The following NUBPL variants were observed in gnomAD, a reference collection of about 807,000 sequenced individuals.
NUBPL encodes NUBP iron-sulfur cluster assembly factor, mitochondrial, also known as iron-sulfur cluster transfer protein NUBPL.
A neutral mutation model predicts 45.7 loss-of-function variants in NUBPL; 31 were observed. The ratio of observed to expected loss-of-function variants is 0.68; its 90% CI spans 0.51 to 0.92. The LOEUF is 0.92. Among genes scored for constraint, NUBPL ranks in the 40% least tolerant of loss-of-function variants. NUBPL has a pLI of 0.00. For synonymous variants in NUBPL, 144 were observed against 140.9 expected (o/e 1.02, Z -0.15); for missense variants, 401 against 398.7 (o/e 1.01, Z -0.05).
At chr14:31,623,887 A>G (rs1466724124) in intron 4 of NUBPL, among the ~76,000 whole-genome samples, 6 of 152,182 alleles carry the variant, frequency 3.9e-5, no homozygotes, top group Non-Finnish European at 8.8e-5. Flanking sequence ...AAGGTAATTG[A>G]GAGTCCTGTC....
At chr14:31,596,373 C>T (rs1335363943) in intron 3 of NUBPL, among the ~76,000 whole-genome samples, 1 of 152,108 alleles carries the variant, frequency 6.6e-6, no homozygotes, top group East Asian at 1.9e-4. Context: ...GACTGGCCTG[C>T]GTGCTCTTGG....
At chr14:31,668,759 CA>C (rs2036499519) in intron 4 of NUBPL, among the ~76,000 whole-genome samples, 1 of 152,186 alleles carries the variant, frequency 6.6e-6, no homozygotes, top group African/African-American at 2.4e-5. Context: ...AGCCGGATGG[CA>C]CAGTCCCTCA....
intron 6 of NUBPL, among the ~76,000 whole-genome samples, chr14:31,777,535 A>G (rs759322821): frequency 6.6e-6 from 1 of 152,328 alleles, no homozygotes; most frequent in South Asian, 2.1e-4. Context: ...GGCTAGAACA[A>G]TTTTAAAGAG....
chr14:31,683,587 G>A (rs542840726), intron 6 of NUBPL, among the ~76,000 whole-genome samples: 25 of 152,028 alleles, frequency 1.6e-4, no homozygotes, highest in African/African-American at 5.5e-4. Flanking sequence ...TCCTGACCTC[G>A]TGATCTGCCC....
At chr14:31,844,510 G>A (rs913362380) in intron 8 of NUBPL, 2 of 152,184 alleles carry the variant, frequency 1.3e-5, no homozygotes, top group Admixed American at 6.5e-5. Context: ...GTGATAGTGT[G>A]CATCAGCAAA....
At chr14:31,579,802 G>A (rs1197407020) in intron 3 of NUBPL, among the ~76,000 whole-genome samples, 1 of 152,238 alleles carries the variant, frequency 6.6e-6, no homozygotes, top group East Asian at 1.9e-4. Flanking sequence ...GGGGCACAGA[G>A]GAGGAAGATC....
intron 6 of NUBPL, among the ~76,000 whole-genome samples, chr14:31,729,275 T>TCCCCCC (rs369958143): frequency 5.4e-5 from 3 of 55,584 alleles, no homozygotes; most frequent in Non-Finnish European, 7.9e-5. Flanking sequence ...AGATGCTCCA[T>TCCCCCC]CCCCCCCCCC....
At chr14:31,799,362 A>C (rs184763599) in intron 7 of NUBPL, among the ~76,000 whole-genome samples, 2 of 152,202 alleles carry the variant, frequency 1.3e-5, no homozygotes, top group South Asian at 4.1e-4. Flanking sequence ...CTCCACAAGT[A>C]AGGGTAGATA....
At chr14:31,760,903 G>A (rs778054708) in intron 6 of NUBPL, among the ~76,000 whole-genome samples, 1 of 151,356 alleles carries the variant, frequency 6.6e-6, no homozygotes, top group Non-Finnish European at 1.5e-5. Flanking sequence ...CAGTGGTGTA[G>A]TTATGGCACA....
intron 6 of NUBPL, among the ~76,000 whole-genome samples, chr14:31,726,465 G>C (rs981712977): frequency 2.6e-5 from 4 of 152,212 alleles, no homozygotes; most frequent in South Asian, 2.1e-4. Context: ...TGCTCTATCA[G>C]TGGAACTGTT....
chr14:31,564,775 A>G (rs1029518743), intron 2 of NUBPL, among the ~76,000 whole-genome samples: 10 of 152,160 alleles, frequency 6.6e-5, no homozygotes, highest in Non-Finnish European at 1.5e-4. Flanking sequence ...TGGGACATGC[A>G]TCTATTGCAT....
chr14:31,605,038 A>C (rs1181479367), intron 4 of NUBPL, among the ~76,000 whole-genome samples: 1 of 152,224 alleles, frequency 6.6e-6, no homozygotes, highest in Non-Finnish European at 1.5e-5. Flanking sequence ...ATTTAGAATA[A>C]AACCTAAACG....
At chr14:31,571,533 T>C (rs2033584414) in intron 3 of NUBPL, among the ~76,000 whole-genome samples, 1 of 151,850 alleles carries the variant, frequency 6.6e-6, no homozygotes, top group African/African-American at 2.4e-5. Flanking sequence ...CACTGCAACC[T>C]CTGCCTCCTG....
At chr14:31,698,962 C>A (rs1374265552) in intron 6 of NUBPL, among the ~76,000 whole-genome samples, 1 of 151,860 alleles carries the variant, frequency 6.6e-6, no homozygotes, top group Non-Finnish European at 1.5e-5. Context: ...TCAAGCAATT[C>A]TCCTGCCTCA....
chr14:31,629,928 T>C (rs1595393235), intron 4 of NUBPL, among the ~76,000 whole-genome samples: 1 of 152,196 alleles, frequency 6.6e-6, no homozygotes, highest in South Asian at 2.1e-4. Context: ...TAAGATAGCA[T>C]GGTGTACTGG....
intron 6 of NUBPL, among the ~76,000 whole-genome samples, chr14:31,775,523 AG>A (rs1273828947): frequency 6.6e-6 from 1 of 152,224 alleles, no homozygotes; most frequent in African/African-American, 2.4e-5. Context: ...GACATCTAGC[AG>A]GGAGCCTCTC....
intron 6 of NUBPL, among the ~76,000 whole-genome samples, chr14:31,702,762 T>A (rs1177277611): frequency 6.6e-6 from 1 of 152,214 alleles, no homozygotes; most frequent in Admixed American, 6.5e-5. Context: ...ATACCCCACA[T>A]TCCTGTCACT....
intron 6 of NUBPL, among the ~76,000 whole-genome samples, chr14:31,758,506 T>C (rs1178595862): frequency 2.0e-5 from 3 of 152,182 alleles, no homozygotes; most frequent in African/African-American, 7.2e-5. Context: ...GCATTTTCCG[T>C]AATTAATGTC....
At chr14:31,827,005 T>C (rs2040117148) in intron 8 of NUBPL, among the ~76,000 whole-genome samples, 1 of 152,190 alleles carries the variant, frequency 6.6e-6, no homozygotes. Context: ...AAGAGTGTTT[T>C]AGGAAATTAT....
Sources: allele counts gnomAD v4.1 joint callset (sites outside exome capture counted in the v4.1 genomes callset), GRCh38; gene constraint gnomAD v4.1.1; transcripts MANE v1.5; gene names NCBI Gene and HGNC (gene_info 2026-07-23, HGNC 2026-07-21).